The following ADAMTS19 variants were observed in gnomAD, a reference collection of about 807,000 sequenced individuals.
ADAMTS19 encodes ADAM metallopeptidase with thrombospondin type 1 motif 19, also known as A disintegrin and metalloproteinase with thrombospondin motifs 19.
ADAMTS19 carries 93 observed loss-of-function variants against 153.3 expected under a neutral mutation model. The ratio of observed to expected loss-of-function variants is 0.61; its 90% CI spans 0.51 to 0.72. ADAMTS19 has a LOEUF of 0.72. Among genes scored for constraint, ADAMTS19 ranks in the 30% least tolerant of loss-of-function variants. The pLI is 0.00. For missense variants in ADAMTS19, 1,482 were observed against 1,552.1 expected (o/e 0.95, Z 0.76); for synonymous variants, 600 against 556.6 (o/e 1.08, Z -1.10).
intron 21 of ADAMTS19, among the ~76,000 whole-genome samples, chr5:129,706,850 A>G (rs1756179354): frequency 6.6e-6 from 1 of 152,192 alleles, no homozygotes; most frequent in African/African-American, 2.4e-5. Context: ...CATAGGGAAC[A>G]CTGATTGTGG....
rs144109399 is a variant in ADAMTS19 at position 129,547,367 on chromosome 5, C to T, written c.1329-4497C>T. Among the ~76,000 whole-genome samples the T allele has an allele frequency of 5.3e-5, 8 of 150,874 alleles. No homozygotes were observed. The East Asian group carries it at 1.5e-3, about 29-fold the overall frequency. On this transcript the variant is annotated intron_variant, in intron 6 of 22. Transcript: ENST00000274487. ...ACATTGATTTTAGTGCAGTAAAGCC[C>T]ATTTCAAAATTCGGGCCTTCAGACT...
At chr5:129,717,861 C>T (rs1164575144) in intron 21 of ADAMTS19, among the ~76,000 whole-genome samples, 1 of 152,192 alleles carries the variant, frequency 6.6e-6, no homozygotes, top group African/African-American at 2.4e-5. Context: ...ACACAGTTCT[C>T]TCTCACATGG....
intron 21 of ADAMTS19, among the ~76,000 whole-genome samples, chr5:129,727,696 A>G (rs181231756): frequency 8.2e-4 from 125 of 152,312 alleles, no homozygotes; most frequent in Middle Eastern, 3.4e-3. Flanking sequence ...TTTAAAAGGG[A>G]TAATAGTATT....
intron 7 of ADAMTS19, among the ~76,000 whole-genome samples, chr5:129,558,262 T>G (rs1284301988): frequency 6.6e-6 from 1 of 152,098 alleles, no homozygotes; most frequent in Non-Finnish European, 1.5e-5. Flanking sequence ...GATAATTGTA[T>G]TATCTACATA....
chr5:129,719,114 C>T (rs1756859855), intron 21 of ADAMTS19, among the ~76,000 whole-genome samples: 1 of 152,032 alleles, frequency 6.6e-6, no homozygotes, highest in Non-Finnish European at 1.5e-5. Context: ...AAACAGACTG[C>T]TGTTAGTTGA....
rs939659858 is a variant in ADAMTS19, at chr5:129,628,139, G to A, written c.1770+5791G>A. On this transcript the variant is annotated intron_variant, in intron 10 of 22. Transcript: ENST00000274487. ...TGCAGCAATAAAAAAGAATGAGACC[G>A]TGTCTTTTGCAGGAACATGGATGGA... 4.6e-5 allele frequency among the ~76,000 whole-genome samples: 7 copies of A among 151,830 alleles called. No homozygotes were observed. The East Asian group carries it at 7.7e-4, about 17-fold the overall frequency.
chr5:129,603,923 A>T (rs547949684), intron 8 of ADAMTS19, among the ~76,000 whole-genome samples: 1 of 152,180 alleles, frequency 6.6e-6, no homozygotes. Flanking sequence ...AGCTAACTTT[A>T]CTCAACCTAC....
At chr5:129,680,987 G>A (rs1247852653) in intron 17 of ADAMTS19, among the ~76,000 whole-genome samples, 1 of 152,148 alleles carries the variant, frequency 6.6e-6, no homozygotes, top group African/African-American at 2.4e-5. Flanking sequence ...TTCAGACACT[G>A]CAACACCTCC....
chr5:129,672,268 C>T (rs773788214), intron 16 of ADAMTS19, among the ~76,000 whole-genome samples: 6 of 152,154 alleles, frequency 3.9e-5, no homozygotes, highest in East Asian at 3.9e-4. Flanking sequence ...AAGACTCCAC[C>T]TCCTAATAAG....
chr5:129,503,798 A>T (rs1482731026), intron 2 of ADAMTS19, among the ~76,000 whole-genome samples: 1 of 152,156 alleles, frequency 6.6e-6, no homozygotes, highest in Non-Finnish European at 1.5e-5. Flanking sequence ...ATTGCACTCC[A>T]GCCTGGGTGA....
At chr5:129,541,363 C>A (rs951248919) in intron 6 of ADAMTS19, among the ~76,000 whole-genome samples, 2 of 151,904 alleles carry the variant, frequency 1.3e-5, no homozygotes, top group African/African-American at 4.8e-5. Flanking sequence ...CAGGTTCATG[C>A]ATCATGATAT....
At chr5:129,589,688 A>G (rs1196534598) in intron 7 of ADAMTS19, among the ~76,000 whole-genome samples, 1 of 152,056 alleles carries the variant, frequency 6.6e-6, no homozygotes, top group Non-Finnish European at 1.5e-5. Context: ...TTAAAAAAGT[A>G]TTTATTTCAT....
chr5:129,599,690 A>G (rs1023959679), intron 8 of ADAMTS19, among the ~76,000 whole-genome samples: 1 of 152,202 alleles, frequency 6.6e-6, no homozygotes, highest in African/African-American at 2.4e-5. Flanking sequence ...AAATGAGGTA[A>G]TTTAGGGAAA....
chr5:129,649,108 A>G lies in ADAMTS19; in HGVS notation c.2176+138A>G. The G allele has an allele frequency of 3.8e-6, 3 of 792,370 alleles. No individual in the cohort carries two copies. In the East Asian group the frequency reaches 7.6e-5, roughly 20 times the overall value. The allele number at this position is 792,370 out of a possible 1,614,324, so 49.1% of individuals were successfully genotyped here. The stretch of plus-strand genomic sequence containing the variant: ...TAATTTTTTCTACCTGTATGGACAT[A>G]TAATAACCACAAGCACTGACAAAAA... On this transcript the variant is annotated intron_variant, in intron 13 of 22. Coordinates refer to ENST00000274487, the MANE Select transcript of ADAMTS19 (RefSeq NM_133638.6).
rs1250506584 is a variant in ADAMTS19 at position 129,580,036 on chromosome 5, A to G, written c.1373-16523A>G. Among the ~76,000 whole-genome samples, 3 of 152,056 alleles carry G rather than the reference A, an allele frequency of 2.0e-5. No individual in the cohort carries two copies. The East Asian group carries it at 5.8e-4, about 29-fold the overall frequency. On this transcript the variant is annotated intron_variant, in intron 7 of 22. Coordinates refer to ENST00000274487, the MANE Select transcript of ADAMTS19 (RefSeq NM_133638.6). The stretch of plus-strand genomic sequence containing the variant: ...ATGAATTACTTTTGTCAGTATGGCC[A>G]TTTTCACGATATTGATTCTTCCTAT...
At chr5:129,632,401 A>C (rs1422242175) in intron 10 of ADAMTS19, among the ~76,000 whole-genome samples, 2 of 152,006 alleles carry the variant, frequency 1.3e-5, no homozygotes, top group Non-Finnish European at 2.9e-5. Flanking sequence ...TGTAGACCAT[A>C]CAATAAAATT....
intron 7 of ADAMTS19, among the ~76,000 whole-genome samples, chr5:129,561,599 A>C (rs541484504): frequency 2.6e-5 from 4 of 152,214 alleles, no homozygotes; most frequent in Non-Finnish European, 5.9e-5. Context: ...TCTAAAACGC[A>C]TGTCGTAGTG....
At chr5:129,625,434 C>T (rs1486130752) in intron 10 of ADAMTS19, among the ~76,000 whole-genome samples, 20 of 152,334 alleles carry the variant, frequency 1.3e-4, no homozygotes, top group Non-Finnish European at 4.4e-5. Context: ...AGTGGTTGAA[C>T]TAGTTTACAG....
chr5:129,478,897 CT>C (rs1750319472), intron 2 of ADAMTS19, among the ~76,000 whole-genome samples: 1 of 152,230 alleles, frequency 6.6e-6, no homozygotes, highest in East Asian at 1.9e-4. Flanking sequence ...AATGGAGGCG[CT>C]GTAGTTTTCA....
Sources: gnomAD v4.1 joint callset for allele counts (sites outside exome capture counted in the v4.1 genomes callset) on GRCh38, gnomAD v4.1.1 for gene constraint, MANE v1.5 for transcripts, NCBI Gene and HGNC (gene_info 2026-07-23, HGNC 2026-07-21) for gene names.